Variants in MAML3 observed in about 807,000 individuals in gnomAD.
The protein encoded by MAML3 is mastermind-like protein 3.
A neutral mutation model predicts 101.9 loss-of-function variants in MAML3; 27 were observed. The ratio of observed to expected loss-of-function variants is 0.27; its 90% CI spans 0.20 to 0.37. MAML3 has a LOEUF of 0.37. Ranked by LOEUF, MAML3 falls within the 10% of genes least tolerant of loss-of-function variation. MAML3 has a pLI of 1.00. For synonymous variants in MAML3, 501 were observed against 555.9 expected (o/e 0.90, Z 1.39); for missense variants, 1,316 against 1,444.9 (o/e 0.91, Z 1.45).
chr4:140,084,654 G>T (rs574801034), intron 1 of MAML3, among the ~76,000 whole-genome samples: 1 of 151,826 alleles, frequency 6.6e-6, no homozygotes, highest in South Asian at 2.1e-4. Context: ...ACGACCTAAC[G>T]CCAGCATTTA....
chr4:139,979,029 AC>A (rs1417024337), intron 1 of MAML3, among the ~76,000 whole-genome samples: 2 of 152,188 alleles, frequency 1.3e-5, no homozygotes, highest in African/African-American at 2.4e-5. Context: ...CTTATGTGGT[AC>A]TAGTAAAATC....
chr4:139,976,584 T>C (rs1210119669), intron 1 of MAML3, among the ~76,000 whole-genome samples: 1 of 152,238 alleles, frequency 6.6e-6, no homozygotes, highest in Non-Finnish European at 1.5e-5. Context: ...GATGATCTTA[T>C]TTCCTGATTG....
At chr4:139,823,467 G>C (rs950604611) in intron 2 of MAML3, among the ~76,000 whole-genome samples, 5 of 152,206 alleles carry the variant, frequency 3.3e-5, no homozygotes, top group African/African-American at 1.2e-4. Flanking sequence ...ACTGCTGCCT[G>C]TGTCACTTCT....
intron 2 of MAML3, among the ~76,000 whole-genome samples, chr4:139,885,640 T>C (rs1270096540): frequency 6.7e-6 from 1 of 149,386 alleles, no homozygotes; most frequent in Non-Finnish European, 1.5e-5. Flanking sequence ...AAAAAAAAAG[T>C]AGGCCGGGCG....
chr4:139,861,120 C>T (rs1434046026), intron 2 of MAML3, among the ~76,000 whole-genome samples: 1 of 152,176 alleles, frequency 6.6e-6, no homozygotes, highest in Admixed American at 6.6e-5. Flanking sequence ...CATCATTTTC[C>T]AGTCCTTGAC....
chr4:139,864,923 C>CTTGTTTTT (rs56928318), intron 2 of MAML3, among the ~76,000 whole-genome samples: 1,545 of 62,380 alleles, frequency 0.025, 566 homozygotes, highest in African/African-American at 0.029. Flanking sequence ...TGCAAACTTG[C>CTTGTTTTT]TTTTTTTTTT....
chr4:139,719,096 C>T lies in MAML3; in HGVS notation c.*227G>A, dbSNP rs1728113952. ...CTCCGGGTGTCTCCCTCTCTCGCAGCCGGGATCTGCATGGCGTCTCATCTC... is the reference window on the plus strand; with the variant it reads ...CTCCGGGTGTCTCCCTCTCTCGCAGTCGGGATCTGCATGGCGTCTCATCTC... On this transcript the variant is annotated 3_prime_UTR_variant, in exon 5 of 5. Coordinates refer to ENST00000509479, the MANE Select transcript of MAML3 (RefSeq NM_018717.5). The T allele has an allele frequency of 3.8e-6, 2 of 521,252 alleles. No individual in the cohort carries two copies. The highest frequency in any genetic ancestry group is 6.6e-5 in the East Asian group (2 of 30,496). The allele number at this position is 521,252 out of a possible 1,614,324, so 32.3% of individuals were successfully genotyped here.
intron 1 of MAML3, among the ~76,000 whole-genome samples, chr4:139,973,174 G>A (rs1734260178): frequency 6.6e-6 from 1 of 152,176 alleles, no homozygotes; most frequent in African/African-American, 2.4e-5. Context: ...GTGAAATCAT[G>A]CTATGGTCAA....
chr4:139,984,538 A>G (rs777499766), intron 1 of MAML3, among the ~76,000 whole-genome samples: 49 of 152,216 alleles, frequency 3.2e-4, no homozygotes, highest in Admixed American at 5.9e-4. Flanking sequence ...ATCACAAGAC[A>G]AGGTTAAATA....
intron 2 of MAML3, among the ~76,000 whole-genome samples, chr4:139,807,585 C>T (rs1730723232): frequency 6.6e-6 from 1 of 152,122 alleles, no homozygotes; most frequent in Non-Finnish European, 1.5e-5. Flanking sequence ...CCATAGGATA[C>T]CTCAAGGGAG....
rs1728119770 is a variant in MAML3, at chr4:139,719,222, T to A, written c.*101A>T. 6 of 1,388,438 alleles carry A rather than the reference T, an allele frequency of 4.3e-6. No individual in the cohort carries two copies. Among genetic ancestry groups the A allele is most frequent in the Non-Finnish European group, 4.8e-6 (5 of 1,043,458 alleles). The allele number at this position is 1,388,438 out of a possible 1,614,324, so 86.0% of individuals were successfully genotyped here. On this transcript the variant is annotated 3_prime_UTR_variant, in exon 5 of 5. Transcript: ENST00000509479. ...CAGCTGCAGTTTTGCTCAGTTTACG[T>A]GGGTCAAAAAAACAAAAAACAAGGA...
At chr4:139,730,710 A>C (rs1467384641) in intron 2 of MAML3, 43 bp from the exon 3 acceptor site, 2 of 1,550,464 alleles carry the variant, frequency 1.3e-6, no homozygotes, top group Non-Finnish European at 1.8e-6. Flanking sequence ...TTCCCCATAG[A>C]GACTCACTGC....
chr4:139,980,182 C>T (rs537777952), intron 1 of MAML3, among the ~76,000 whole-genome samples: 2 of 152,272 alleles, frequency 1.3e-5, no homozygotes, highest in South Asian at 4.1e-4. Flanking sequence ...GGGCTTGAGG[C>T]CTGGCTTCTG....
intron 2 of MAML3, among the ~76,000 whole-genome samples, chr4:139,777,827 G>C (rs1480612254): frequency 6.6e-6 from 1 of 152,218 alleles, no homozygotes; most frequent in Non-Finnish European, 1.5e-5. Context: ...CCTGCCCTCT[G>C]CTGAACCCTT....
Position 139,780,928 on chromosome 4 carries a change from A to G in MAML3, c.2080-50261T>C, listed in dbSNP as rs75880023. Among the ~76,000 whole-genome samples, 19 of 152,042 alleles carry G rather than the reference A, an allele frequency of 1.2e-4. No homozygotes were observed. The East Asian group carries it at 3.5e-3, about 28-fold the overall frequency. On this transcript the variant is annotated intron_variant, in intron 2 of 4. Coordinates refer to ENST00000509479, the MANE Select transcript of MAML3 (RefSeq NM_018717.5). The stretch of plus-strand genomic sequence containing the variant: ...ACAGGTGTGAGCCACTGCACCTGAC[A>G]AGTGTTGCATAGTTCTGACGGCAAA...
At chr4:139,963,740 T>G (rs1318686037) in intron 1 of MAML3, among the ~76,000 whole-genome samples, 2 of 152,220 alleles carry the variant, frequency 1.3e-5, no homozygotes, top group Non-Finnish European at 2.9e-5. Flanking sequence ...TCTTTATTTA[T>G]TATTTGGACT....
intron 4 of MAML3, 82 bp from the exon 5 acceptor site, chr4:139,720,405 G>C: frequency 7.7e-7 from 1 of 1,306,276 alleles, no homozygotes. Context: ...TTTTCTTTGG[G>C]AATGACAAAA....
intron 1 of MAML3, among the ~76,000 whole-genome samples, chr4:139,996,703 G>T (rs1734823437): frequency 6.6e-6 from 1 of 152,018 alleles, no homozygotes; most frequent in East Asian, 1.9e-4. Context: ...GTGTGTGTGT[G>T]TGTGTTTTAA....
At chr4:139,808,764 A>G (rs181407066) in intron 2 of MAML3, among the ~76,000 whole-genome samples, 6 of 152,336 alleles carry the variant, frequency 3.9e-5, no homozygotes, top group African/African-American at 1.4e-4. Context: ...AGAAGGAAAC[A>G]TAAGCTGTTT....
Sources: allele counts gnomAD v4.1 joint callset (sites outside exome capture counted in the v4.1 genomes callset), GRCh38; gene constraint gnomAD v4.1.1; transcripts MANE v1.5; gene names NCBI Gene and HGNC (gene_info 2026-07-23, HGNC 2026-07-21).